CLSTN2: variants seen among roughly 807,000 people sequenced by gnomAD.
CLSTN2 encodes calsyntenin 2, also known as calsyntenin-2.
In CLSTN2, 48 loss-of-function variants were observed where a neutral mutation model predicts 101.2. The observed-to-expected ratio is 0.47, with a 90% CI of 0.38 to 0.60. CLSTN2 has a LOEUF of 0.60. CLSTN2 is among the 20% of genes least tolerant of loss of function. CLSTN2 has a pLI of 0.00. For synonymous variants in CLSTN2, 481 were observed against 463.6 expected, an observed-to-expected ratio of 1.04 and a Z score of -0.48; for missense variants, 1,160 against 1,238.2, an observed-to-expected ratio of 0.94 and a Z score of 0.95.
chr3:140,493,489 G>C (rs967163133), intron 8 of CLSTN2, among the ~76,000 whole-genome samples: 2 of 152,188 alleles, frequency 1.3e-5, no homozygotes, highest in East Asian at 3.8e-4. Flanking sequence ...TGACAAGTTT[G>C]CTTCTTCAGC....
intron 1 of CLSTN2, among the ~76,000 whole-genome samples, chr3:140,095,238 A>T (rs565232791): frequency 3.9e-5 from 6 of 152,284 alleles, no homozygotes; most frequent in African/African-American, 1.4e-4. Context: ...ATAGAGTGGT[A>T]GAACAAATAA....
At chr3:140,496,415 G>A (rs2107759985) in intron 8 of CLSTN2, among the ~76,000 whole-genome samples, 1 of 152,274 alleles carries the variant, frequency 6.6e-6, no homozygotes, top group East Asian at 1.9e-4. Context: ...TGCAAGCAAA[G>A]ATAACTTGAC....
At chr3:139,975,078 T>C (rs371300959) in intron 1 of CLSTN2, among the ~76,000 whole-genome samples, 11 of 152,302 alleles carry the variant, frequency 7.2e-5, no homozygotes, top group African/African-American at 2.2e-4. Context: ...AGGCTGAGAC[T>C]CTGAGTGAGA....
chr3:140,111,704 C>A (rs1018804839), intron 1 of CLSTN2, among the ~76,000 whole-genome samples: 1 of 152,068 alleles, frequency 6.6e-6, no homozygotes, highest in Non-Finnish European at 1.5e-5. Context: ...GTAAAAATGG[C>A]CCGTCTCTTC....
At chr3:139,996,536 G>A (rs1404940483) in intron 1 of CLSTN2, among the ~76,000 whole-genome samples, 1 of 152,080 alleles carries the variant, frequency 6.6e-6, no homozygotes, top group Non-Finnish European at 1.5e-5. Context: ...ACAGGTGCCT[G>A]CCACCATCAA....
intron 1 of CLSTN2, among the ~76,000 whole-genome samples, chr3:140,031,170 T>C (rs56072728): frequency 0.22 from 33,346 of 152,116 alleles, 3,719 homozygotes; most frequent in African/African-American, 0.24. Flanking sequence ...AGGAAAGCAA[T>C]GTAGGGTCAT....
At chr3:140,379,996 A>G (rs2107963702) in intron 2 of CLSTN2, among the ~76,000 whole-genome samples, 1 of 152,290 alleles carries the variant, frequency 6.6e-6, no homozygotes, top group African/African-American at 2.4e-5. Flanking sequence ...AAAAATTGAC[A>G]ATGAAACAAA....
At chr3:140,124,576 G>C (rs940848853) in intron 1 of CLSTN2, among the ~76,000 whole-genome samples, 2 of 152,160 alleles carry the variant, frequency 1.3e-5, no homozygotes, top group Non-Finnish European at 2.9e-5. Flanking sequence ...TAAGTCCCCT[G>C]TATTTGGCCT....
rs113474667 is a variant in CLSTN2, at chr3:140,368,765, G to A, written c.233-34864G>A. ...CCCTCTGCATGGGAGGCTGGTGGACGTTCAGGCTGGAGAAGTAGGCAAGGA... is the reference window on the plus strand; with the variant it reads ...CCCTCTGCATGGGAGGCTGGTGGACATTCAGGCTGGAGAAGTAGGCAAGGA... On this transcript the variant is annotated intron_variant, in intron 2 of 16. Coordinates refer to ENST00000458420, the MANE Select transcript of CLSTN2 (RefSeq NM_022131.3). 7.2e-4 allele frequency among the ~76,000 whole-genome samples: 110 copies of A among 152,330 alleles called. 1 individual carries two copies. Among genetic ancestry groups the A allele is most frequent in the African/African-American group, 2.5e-3 (104 of 41,570 alleles).
chr3:140,218,445 C>G (rs188237136), intron 2 of CLSTN2, among the ~76,000 whole-genome samples: 1 of 152,032 alleles, frequency 6.6e-6, no homozygotes, highest in East Asian at 1.9e-4. Context: ...CATCCCAGGA[C>G]AAAGCAGGAA....
At chr3:140,119,985 A>G (rs2009311809) in intron 1 of CLSTN2, among the ~76,000 whole-genome samples, 1 of 152,142 alleles carries the variant, frequency 6.6e-6, no homozygotes, top group African/African-American at 2.4e-5. Flanking sequence ...CTCTAGTCTT[A>G]TACCACCACA....
At chr3:140,138,744 T>G (rs1237840114) in intron 1 of CLSTN2, among the ~76,000 whole-genome samples, 2 of 152,238 alleles carry the variant, frequency 1.3e-5, no homozygotes, top group Non-Finnish European at 2.9e-5. Context: ...CCTCTGCTCC[T>G]GGTTGAGCCA....
In CLSTN2 at chr3:140,082,146, T is replaced by C. The variant is rs540224885; in HGVS notation, c.110-93805T>C. On this transcript the variant is annotated intron_variant, in intron 1 of 16. Coordinates refer to ENST00000458420, the MANE Select transcript of CLSTN2 (RefSeq NM_022131.3). ...CCAGTGGGAGGCAAGACTACTGTCA[T>C]AAATATTGTTCTGTCCCCTAGAGCA... 3.5e-4 allele frequency among the ~76,000 whole-genome samples: 54 copies of C among 152,276 alleles called. 1 individual carries two copies. In the South Asian group the frequency reaches 0.011, roughly 30 times the overall value.
At chr3:140,173,757 T>C (rs1294449056) in intron 1 of CLSTN2, among the ~76,000 whole-genome samples, 1 of 152,206 alleles carries the variant, frequency 6.6e-6, no homozygotes, top group Non-Finnish European at 1.5e-5. Context: ...GCTTGCACCA[T>C]CTGAAGCCAT....
At chr3:140,211,055 G>C (rs189525048) in intron 2 of CLSTN2, among the ~76,000 whole-genome samples, 1 of 152,168 alleles carries the variant, frequency 6.6e-6, no homozygotes, top group East Asian at 1.9e-4. Context: ...TGTGTGGTGG[G>C]AGAAGGTGTC....
intron 1 of CLSTN2, among the ~76,000 whole-genome samples, chr3:140,146,116 G>A (rs2009777718): frequency 6.6e-6 from 1 of 152,186 alleles, no homozygotes; most frequent in Admixed American, 6.5e-5. Flanking sequence ...CTATGGCCCT[G>A]CTCGTTTAGA....
intron 1 of CLSTN2, among the ~76,000 whole-genome samples, chr3:140,115,501 A>G (rs2009226933): frequency 6.6e-6 from 1 of 152,166 alleles, no homozygotes; most frequent in South Asian, 2.1e-4. Context: ...CTTCACTGAC[A>G]CAAGGGCTGA....
chr3:140,132,463 G>T (rs73868736), intron 1 of CLSTN2, among the ~76,000 whole-genome samples: 2,087 of 152,242 alleles, frequency 0.014, 50 homozygotes, highest in African/African-American at 0.048. Context: ...AGGAAAGAAG[G>T]GGTGAGGCAG....
At chr3:140,381,968 T>A (rs2087990422) in intron 2 of CLSTN2, among the ~76,000 whole-genome samples, 1 of 152,186 alleles carries the variant, frequency 6.6e-6, no homozygotes, top group South Asian at 2.1e-4. Flanking sequence ...TGCTACCAAC[T>A]TCTCCTTCTC....
Sources: allele counts gnomAD v4.1 joint callset (sites outside exome capture counted in the v4.1 genomes callset), GRCh38; gene constraint gnomAD v4.1.1; transcripts MANE v1.5; gene names NCBI Gene and HGNC (gene_info 2026-07-23, HGNC 2026-07-21).